Variants in SLC9A2 observed in about 807,000 individuals in gnomAD.
SLC9A2 encodes solute carrier family 9 member A2, also known as sodium/hydrogen exchanger 2.
In SLC9A2, 42 loss-of-function variants were observed where a neutral mutation model predicts 71.7. That is an observed-to-expected ratio of 0.59 (90% CI 0.46 to 0.76). SLC9A2 has a LOEUF of 0.76. Ranked by LOEUF, SLC9A2 falls within the 30% of genes least tolerant of loss-of-function variation. SLC9A2 has a pLI of 0.00. For missense variants in SLC9A2, 829 were observed against 1,017.4 expected, an observed-to-expected ratio of 0.81 and a Z score of 2.52; for synonymous variants, 396 against 392.5, an observed-to-expected ratio of 1.01 and a Z score of -0.10.
At chr2:102,635,137 A>C (rs1236059900) in intron 1 of SLC9A2, among the ~76,000 whole-genome samples, 1 of 152,248 alleles carries the variant, frequency 6.6e-6, no homozygotes, top group Non-Finnish European at 1.5e-5. Context: ...TAGAAATGTC[A>C]ACCCACGCTT....
chr2:102,688,505 G>A (rs1336767171), intron 5 of SLC9A2, among the ~76,000 whole-genome samples: 2 of 152,190 alleles, frequency 1.3e-5, no homozygotes, highest in Non-Finnish European at 2.9e-5. Flanking sequence ...CAAGGCGGGT[G>A]GATCACGAGG....
In SLC9A2 at chr2:102,685,975, C is replaced by A. The variant is rs1677539204; in HGVS notation, c.1425+1639C>A. 2.6e-5 allele frequency among the ~76,000 whole-genome samples: 4 copies of A among 151,616 alleles called. No individual in the cohort carries two copies. In the South Asian group the frequency reaches 8.3e-4, roughly 31 times the overall value. ...GGATTGAGCCTTGGGGCGGCCCCAC[C>A]TTAAGATATCGTGGGAAGAAGGGAG... On this transcript the variant is annotated intron_variant, in intron 5 of 11. Coordinates refer to ENST00000233969, the MANE Select transcript of SLC9A2 (RefSeq NM_003048.6).
At chr2:102,626,063 G>C (rs1479111915) in intron 1 of SLC9A2, among the ~76,000 whole-genome samples, 1 of 151,972 alleles carries the variant, frequency 6.6e-6, no homozygotes, top group African/African-American at 2.4e-5. Context: ...GCATTTCTCT[G>C]ATGGCTACTT....
At position 102,619,572 on chromosome 2, in the gene SLC9A2, T is replaced by TGGGC; in HGVS notation, c.-276_-273dup. Reference sequence around the variant, plus strand: ...GCGGCTGGAGAGCAGCGCACCGGCATGGGCAGGCGGCCGGCGGCGGAGGGC... The same window carrying TGGGC: ...GCGGCTGGAGAGCAGCGCACCGGCATGGGCGGGCAGGCGGCCGGCGGCGGAGGGC... On this transcript the variant is annotated 5_prime_UTR_variant, in exon 1 of 12. The change abolishes the stop of an existing upstream ORF in the 5' untranslated region. Coordinates refer to ENST00000233969, the MANE Select transcript of SLC9A2 (RefSeq NM_003048.6). This position sits in a 1 kb window ranked among gnomAD's most constrained non-coding sequence, Gnocchi z 4.3. The TGGGC allele has an allele frequency of 7.2e-6, 2 of 277,734 alleles. No individual in the cohort carries two copies. Among genetic ancestry groups the TGGGC allele is most frequent in the Non-Finnish European group, 1.3e-5 (2 of 150,228 alleles). 17.2% of individuals were successfully genotyped at this position (277,734 alleles called of 1,614,324 possible).
intron 1 of SLC9A2, among the ~76,000 whole-genome samples, chr2:102,633,825 C>G (rs1477478325): frequency 6.6e-6 from 1 of 152,148 alleles, no homozygotes; most frequent in Non-Finnish European, 1.5e-5. Flanking sequence ...ACCCATATAA[C>G]TTAAGCTGTC....
At chr2:102,654,839 T>C (rs1676907652) in intron 1 of SLC9A2, among the ~76,000 whole-genome samples, 1 of 152,232 alleles carries the variant, frequency 6.6e-6, no homozygotes, top group Non-Finnish European at 1.5e-5. Context: ...GTGCAGCATG[T>C]TACTGTACTG....
At chr2:102,641,618 A>G (rs1396360718) in intron 1 of SLC9A2, among the ~76,000 whole-genome samples, 2 of 151,904 alleles carry the variant, frequency 1.3e-5, no homozygotes, top group African/African-American at 4.8e-5. Flanking sequence ...ATTGTGTTGA[A>G]ACTTACACTT....
At chr2:102,661,207 A>G (rs560221975) in intron 2 of SLC9A2, among the ~76,000 whole-genome samples, 2 of 152,350 alleles carry the variant, frequency 1.3e-5, no homozygotes, top group African/African-American at 4.8e-5. Flanking sequence ...GATTTTTCAG[A>G]TGATTTCTAG....
chr2:102,630,531 T>C (rs1423524735), intron 1 of SLC9A2, among the ~76,000 whole-genome samples: 1 of 152,058 alleles, frequency 6.6e-6, no homozygotes, highest in Non-Finnish European at 1.5e-5. Flanking sequence ...TGTCTAAGTA[T>C]AGATTTACTT....
At chr2:102,684,453 G>A (rs1677511309) in intron 5 of SLC9A2, 117 bp downstream of exon 5, 5 of 931,000 alleles carry the variant, frequency 5.4e-6, no homozygotes, top group Non-Finnish European at 6.9e-6. Flanking sequence ...TAATTACTAG[G>A]GAAAATGATA....
At chr2:102,696,351 C>G (rs915978269) in intron 7 of SLC9A2, among the ~76,000 whole-genome samples, 1 of 152,052 alleles carries the variant, frequency 6.6e-6, no homozygotes, top group African/African-American at 2.4e-5. Flanking sequence ...TTGGTAGATC[C>G]CTCTTGTTTT....
intron 3 of SLC9A2, among the ~76,000 whole-genome samples, chr2:102,670,036 T>A (rs980829846): frequency 3.6e-5 from 1 of 27,606 alleles, no homozygotes; most frequent in South Asian, 1.2e-3. Flanking sequence ...TTATTTTTAT[T>A]TTTTATTTTT....
chr2:102,651,802 T>C (rs1326201647), intron 1 of SLC9A2, among the ~76,000 whole-genome samples: 1 of 152,198 alleles, frequency 6.6e-6, no homozygotes, highest in Non-Finnish European at 1.5e-5. Flanking sequence ...ATGACAAAAA[T>C]GATTGAATGA....
intron 2 of SLC9A2, among the ~76,000 whole-genome samples, chr2:102,664,452 CA>C (rs1677098946): frequency 6.7e-6 from 1 of 148,690 alleles, no homozygotes; most frequent in African/African-American, 2.6e-5. Context: ...GATGCACACA[CA>C]CACACACACA....
Position 102,648,384 on chromosome 2 carries a change from T to C in SLC9A2, c.290-9180T>C, listed in dbSNP as rs183206837. 3.4e-3 allele frequency among the ~76,000 whole-genome samples: 519 copies of C among 152,218 alleles called. 6 individuals carry two copies. Among genetic ancestry groups the C allele is most frequent in the African/African-American group, 0.012 (478 of 41,530 alleles). ...ATTTATGACAAACCCATAGCCAATA[T>C]CATACTGAAAGGGTCAAAATCTAGA... On this transcript the variant is annotated intron_variant, in intron 1 of 11. Coordinates refer to ENST00000233969, the MANE Select transcript of SLC9A2 (RefSeq NM_003048.6).
At chr2:102,652,336 G>A (rs1165109036) in intron 1 of SLC9A2, among the ~76,000 whole-genome samples, 1 of 152,156 alleles carries the variant, frequency 6.6e-6, no homozygotes, top group Non-Finnish European at 1.5e-5. Context: ...GCTCTTCAGA[G>A]ATACAGCTTC....
chr2:102,705,979 C>A, intron 11 of SLC9A2, 43 bp downstream of exon 11: 2 of 1,218,588 alleles, frequency 1.6e-6, no homozygotes, highest in Non-Finnish European at 2.3e-6. Flanking sequence ...AATTTATTTG[C>A]CAATGTTTAT....
At chr2:102,649,196 C>T (rs1676785779) in intron 1 of SLC9A2, among the ~76,000 whole-genome samples, 1 of 152,192 alleles carries the variant, frequency 6.6e-6, no homozygotes, top group Admixed American at 6.6e-5. Context: ...TGATCTTCGA[C>T]AACCCTGACA....
intron 2 of SLC9A2, among the ~76,000 whole-genome samples, chr2:102,659,273 A>G (rs1677006111): frequency 1.1e-5 from 1 of 89,794 alleles, no homozygotes; most frequent in East Asian, 6.4e-4. Context: ...TACTAAAAAT[A>G]CAAAAAAAAA....
Sources: allele counts gnomAD v4.1 joint callset (sites outside exome capture counted in the v4.1 genomes callset), GRCh38; gene constraint gnomAD v4.1.1; non-coding constraint Gnocchi (gnomAD v3.1); transcripts MANE v1.5; gene names NCBI Gene and HGNC (gene_info 2026-07-23, HGNC 2026-07-21).